Variants in KIF16B observed in about 807,000 individuals in gnomAD.
KIF16B encodes kinesin-like protein KIF16B.
KIF16B carries 98 observed loss-of-function variants against 156.3 expected under a neutral mutation model. The observed-to-expected ratio is 0.63, with a 90% CI of 0.53 to 0.74. KIF16B has a LOEUF of 0.74. Ranked by LOEUF, KIF16B falls within the 30% of genes least tolerant of loss-of-function variation. KIF16B has a pLI of 0.00. For missense variants in KIF16B, 1,421 were observed against 1,606.5 expected (o/e 0.88, Z 1.97); for synonymous variants, 564 against 583.7 (o/e 0.97, Z 0.49).
intron 10 of KIF16B, among the ~76,000 whole-genome samples, 167 bp from the exon 11 acceptor site, chr20:16,497,845 C>T (rs183535012): frequency 5.3e-5 from 8 of 152,324 alleles, no homozygotes; most frequent in South Asian, 4.1e-4. Flanking sequence ...CTTTACTCCA[C>T]GGGATACATC....
At chr20:16,356,649 T>C (rs770545150) in intron 22 of KIF16B, among the ~76,000 whole-genome samples, 197 bp from the exon 23 acceptor site, 1 of 152,234 alleles carries the variant, frequency 6.6e-6, no homozygotes, top group Admixed American at 6.5e-5. Context: ...AAGACCATTA[T>C]TTTAGGTATA....
At chr20:16,383,999 T>A (rs1018509999) in intron 17 of KIF16B, among the ~76,000 whole-genome samples, 2 of 152,212 alleles carry the variant, frequency 1.3e-5, no homozygotes, top group African/African-American at 4.8e-5. Flanking sequence ...ATATTTCTTA[T>A]CCCTTTTGAC....
At position 16,375,084 on chromosome 20, in the gene KIF16B, C is replaced by G. The variant is rs117923741; in HGVS notation, c.3198-675G>C. 1.3e-3 allele frequency among the ~76,000 whole-genome samples: 194 copies of G among 152,278 alleles called. 1 individual carries two copies. Among genetic ancestry groups the G allele is most frequent in the Middle Eastern group, 6.8e-3 (2 of 294 alleles). On this transcript the variant is annotated intron_variant, in intron 19 of 25. Transcript: ENST00000354981. ...TAAAATAAACCATAAAATTAACCTCCAGTGATAAGTGATACATCTATATGA... is the reference window on the plus strand; with the variant it reads ...TAAAATAAACCATAAAATTAACCTCGAGTGATAAGTGATACATCTATATGA...
intron 12 of KIF16B, among the ~76,000 whole-genome samples, chr20:16,450,631 G>C (rs1276334479): frequency 6.6e-6 from 1 of 152,174 alleles, no homozygotes; most frequent in East Asian, 1.9e-4. Context: ...ACGACGTGCT[G>C]TCTCCCTCTC....
chr20:16,340,126 T>C (rs1288781841), intron 23 of KIF16B, among the ~76,000 whole-genome samples: 1 of 152,190 alleles, frequency 6.6e-6, no homozygotes, highest in Non-Finnish European at 1.5e-5. Flanking sequence ...TCATCTAGGG[T>C]ATACCCAAGA....
At chr20:16,428,860 A>G in intron 14 of KIF16B, 93 bp downstream of exon 14, 2 of 992,534 alleles carry the variant, frequency 2.0e-6, no homozygotes, top group East Asian at 2.5e-5. Flanking sequence ...TTAATTTTCT[A>G]TAATTACTTC....
chr20:16,358,108 G>A (rs13045872), intron 22 of KIF16B, among the ~76,000 whole-genome samples: 4,919 of 152,154 alleles, frequency 0.032, 79 homozygotes, highest in African/African-American at 0.041. Context: ...AGAATCACTC[G>A]AACCCGGGAG....
At chr20:16,331,198 T>C (rs944933220) in intron 24 of KIF16B, among the ~76,000 whole-genome samples, 1 of 152,258 alleles carries the variant, frequency 6.6e-6, no homozygotes, top group African/African-American at 2.4e-5. Context: ...TCACATTCCA[T>C]GTATATATTG....
intron 1 of KIF16B, among the ~76,000 whole-genome samples, chr20:16,554,005 G>C (rs2070758296): frequency 1.3e-5 from 2 of 152,222 alleles, no homozygotes; most frequent in Non-Finnish European, 2.9e-5. Flanking sequence ...CTGAGGTGGG[G>C]CTGAGGGCAG....
chr20:16,349,232 A>T (rs1019700763), intron 23 of KIF16B, among the ~76,000 whole-genome samples: 1 of 152,242 alleles, frequency 6.6e-6, no homozygotes, highest in African/African-American at 2.4e-5. Context: ...AGTTGTGACC[A>T]GGGGTCAGAT....
At chr20:16,452,183 C>G (rs989134546) in intron 12 of KIF16B, among the ~76,000 whole-genome samples, 1 of 151,922 alleles carries the variant, frequency 6.6e-6, no homozygotes, top group Admixed American at 6.6e-5. Flanking sequence ...GAGAAGGGAG[C>G]AGTGAGAAAA....
At chr20:16,459,468 C>T (rs542717695) in intron 12 of KIF16B, among the ~76,000 whole-genome samples, 7 of 152,246 alleles carry the variant, frequency 4.6e-5, no homozygotes, top group South Asian at 4.1e-4. Flanking sequence ...CACACTTCCC[C>T]GGGCTGTGGA....
chr20:16,479,204 AG>A (rs1477037059), intron 12 of KIF16B, among the ~76,000 whole-genome samples: 2 of 152,236 alleles, frequency 1.3e-5, no homozygotes, highest in African/African-American at 4.8e-5. Context: ...GGTCCTTTGC[AG>A]GGACATGGAT....
At chr20:16,328,655 G>A (rs182297418) in intron 24 of KIF16B, among the ~76,000 whole-genome samples, 1 of 152,130 alleles carries the variant, frequency 6.6e-6, no homozygotes, top group African/African-American at 2.4e-5. Context: ...CGTTCGGGCT[G>A]CTATAACAAA....
intron 25 of KIF16B, among the ~76,000 whole-genome samples, chr20:16,276,914 C>T (rs1266082029): frequency 6.6e-6 from 1 of 152,164 alleles, no homozygotes. Flanking sequence ...CACAAGTGTA[C>T]AGTTGAATAC....
At chr20:16,505,400 G>A (rs1055384519) in intron 9 of KIF16B, among the ~76,000 whole-genome samples, 1 of 152,010 alleles carries the variant, frequency 6.6e-6, no homozygotes, top group African/African-American at 2.4e-5. Context: ...ACAAAGTTGG[G>A]TTATTTTGAC....
At chr20:16,388,292 T>C (rs1292588488) in intron 17 of KIF16B, among the ~76,000 whole-genome samples, 2 of 152,210 alleles carry the variant, frequency 1.3e-5, no homozygotes, top group South Asian at 2.1e-4. Context: ...TATTTACTAA[T>C]CATACTCCAA....
chr20:16,477,346 ACACAGTGC>A (rs1218402924), intron 12 of KIF16B, among the ~76,000 whole-genome samples: 2 of 143,012 alleles, frequency 1.4e-5, no homozygotes, highest in Admixed American at 7.1e-5. Flanking sequence ...TATTTAAGCC[ACACAGTGC>A]CACAGTACTC....
At chr20:16,478,260 AT>A (rs761569908) in intron 12 of KIF16B, among the ~76,000 whole-genome samples, 14 of 152,202 alleles carry the variant, frequency 9.2e-5, no homozygotes, top group Non-Finnish European at 1.6e-4. Context: ...CCATAACGTG[AT>A]ACAACTAGAT....
Sources: gnomAD v4.1 joint callset for allele counts (sites outside exome capture counted in the v4.1 genomes callset) on GRCh38, gnomAD v4.1.1 for gene constraint, MANE v1.5 for transcripts, NCBI Gene and HGNC (gene_info 2026-07-23, HGNC 2026-07-21) for gene names.